GPC6: variants seen among roughly 807,000 people sequenced by gnomAD.
GPC6 encodes glypican-6.
In GPC6, 14 loss-of-function variants were observed where a neutral mutation model predicts 55.2. The observed-to-expected ratio is 0.25, with a 90% confidence interval of 0.17 to 0.40. The LOEUF (loss-of-function observed/expected upper bound fraction) is 0.40, where lower values mean the gene tolerates loss of function less well. Ranked by LOEUF, GPC6 falls within the 10% of genes least tolerant of loss-of-function variation. The pLI, the probability that GPC6 is intolerant of heterozygous loss-of-function variation, is 1.00. For missense variants in GPC6, 641 were observed against 708.5 expected (o/e 0.90, Z 1.08); for synonymous variants, 278 against 259.6 (o/e 1.07, Z -0.68).
At chr13:93,384,919 T>C (rs1410858500) in intron 1 of GPC6, among the ~76,000 whole-genome samples, 1 of 152,244 alleles carries the variant, frequency 6.6e-6, no homozygotes, top group South Asian at 2.1e-4. Context: ...TGCCAGGCAC[T>C]GTGTTAGGCA....
At chr13:93,749,442 A>G (rs566009635) in intron 2 of GPC6, among the ~76,000 whole-genome samples, 2 of 151,966 alleles carry the variant, frequency 1.3e-5, no homozygotes, top group African/African-American at 4.8e-5. Flanking sequence ...ATTACTTGAT[A>G]ATCTTTGATA....
At chr13:93,301,142 A>G (rs774700936) in intron 1 of GPC6, among the ~76,000 whole-genome samples, 3 of 152,248 alleles carry the variant, frequency 2.0e-5, no homozygotes, top group Non-Finnish European at 4.4e-5. Flanking sequence ...TCATTGACTC[A>G]ATAAACATGT....
At chr13:93,910,945 G>T (rs1876942167) in intron 3 of GPC6, among the ~76,000 whole-genome samples, 1 of 152,152 alleles carries the variant, frequency 6.6e-6, no homozygotes. Flanking sequence ...ACCAGCTGCA[G>T]CAATTCAGCA....
intron 1 of GPC6, among the ~76,000 whole-genome samples, chr13:93,424,128 G>T (rs1877029193): frequency 6.6e-6 from 1 of 152,166 alleles, no homozygotes; most frequent in African/African-American, 2.4e-5. Context: ...TTTGAGTGCA[G>T]GAAGTTTATC....
intron 2 of GPC6, among the ~76,000 whole-genome samples, chr13:93,574,375 G>A (rs1379407072): frequency 1.3e-5 from 2 of 152,082 alleles, no homozygotes; most frequent in African/African-American, 2.4e-5. Flanking sequence ...GTGTCTACAA[G>A]CCAAGATTGA....
intron 4 of GPC6, among the ~76,000 whole-genome samples, chr13:94,087,376 G>C (rs1014237482): frequency 6.6e-6 from 1 of 152,180 alleles, no homozygotes; most frequent in South Asian, 2.1e-4. Flanking sequence ...TGAAAGCTAC[G>C]CCTTAAAACA....
intron 2 of GPC6, among the ~76,000 whole-genome samples, chr13:93,764,973 G>A (rs1455154944): frequency 6.6e-6 from 1 of 151,870 alleles, no homozygotes; most frequent in African/African-American, 2.4e-5. Context: ...CTAATTTTTT[G>A]TATTTTTAGT....
At chr13:93,405,861 T>C (rs1309412020) in intron 1 of GPC6, among the ~76,000 whole-genome samples, 1 of 152,184 alleles carries the variant, frequency 6.6e-6, no homozygotes, top group African/African-American at 2.4e-5. Flanking sequence ...GGATCCTCTA[T>C]TGGCTTTGCC....
intron 4 of GPC6, among the ~76,000 whole-genome samples, chr13:94,112,884 T>C (rs1380179174): frequency 6.6e-6 from 1 of 152,138 alleles, no homozygotes; most frequent in Non-Finnish European, 1.5e-5. Flanking sequence ...TAATTTTTAT[T>C]GATGATAGCA....
chr13:93,603,980 C>T (rs1878132478), intron 2 of GPC6, among the ~76,000 whole-genome samples: 1 of 152,108 alleles, frequency 6.6e-6, no homozygotes, highest in African/African-American at 2.4e-5. Flanking sequence ...CAGGAGAATA[C>T]AGACAAAATT....
intron 1 of GPC6, among the ~76,000 whole-genome samples, chr13:93,480,954 G>A (rs1316853231): frequency 6.6e-6 from 1 of 152,144 alleles, no homozygotes; most frequent in Non-Finnish European, 1.5e-5. Context: ...CATTTTTAGT[G>A]AGTGAATACC....
At chr13:93,805,871 T>C (rs1001167314) in intron 2 of GPC6, among the ~76,000 whole-genome samples, 1 of 152,200 alleles carries the variant, frequency 6.6e-6, no homozygotes, top group Non-Finnish European at 1.5e-5. Context: ...GCTCCTTTTC[T>C]TTCCCTGTAG....
intron 2 of GPC6, among the ~76,000 whole-genome samples, chr13:93,773,336 C>A (rs1324873424): frequency 2.0e-5 from 3 of 152,042 alleles, no homozygotes; most frequent in Non-Finnish European, 4.4e-5. Flanking sequence ...ATGTCATAAT[C>A]TTAGAGATGG....
At chr13:94,026,042 T>C (rs115991718) in intron 3 of GPC6, among the ~76,000 whole-genome samples, 302 of 152,322 alleles carry the variant, frequency 2.0e-3, no homozygotes, top group African/African-American at 6.8e-3. Context: ...AATTGTACCA[T>C]GTAGGAAATG....
chr13:93,485,510 A>G (rs552517251), intron 1 of GPC6, among the ~76,000 whole-genome samples: 2 of 152,218 alleles, frequency 1.3e-5, no homozygotes, highest in East Asian at 3.9e-4. Flanking sequence ...TATGCTATTT[A>G]CTTCATTTTC....
At chr13:94,184,024 G>A (rs1333731970) in intron 4 of GPC6, among the ~76,000 whole-genome samples, 1 of 152,076 alleles carries the variant, frequency 6.6e-6, no homozygotes, top group African/African-American at 2.4e-5. Context: ...TAAATAAATG[G>A]TGCTGTGATA....
intron 1 of GPC6, among the ~76,000 whole-genome samples, chr13:93,468,158 G>A (rs763324886): frequency 6.6e-6 from 1 of 151,714 alleles, no homozygotes; most frequent in Non-Finnish European, 1.5e-5. Context: ...CTTTAGTAGA[G>A]TCATAGAAAG....
intron 2 of GPC6, among the ~76,000 whole-genome samples, chr13:93,791,137 G>A (rs1338972635): frequency 2.0e-5 from 3 of 152,128 alleles, no homozygotes; most frequent in Non-Finnish European, 4.4e-5. Context: ...CGATGAATGT[G>A]TAGCGATACC....
intron 4 of GPC6, among the ~76,000 whole-genome samples, chr13:94,058,439 A>T (rs1302270731): frequency 1.3e-5 from 2 of 152,156 alleles, no homozygotes; most frequent in Non-Finnish European, 2.9e-5. Flanking sequence ...GAACTGACCT[A>T]AGCTAATTTG....
Sources: allele counts gnomAD v4.1 joint callset (sites outside exome capture counted in the v4.1 genomes callset), GRCh38; gene constraint gnomAD v4.1.1; transcripts MANE v1.5; gene names NCBI Gene and HGNC (gene_info 2026-07-23, HGNC 2026-07-21).